PPP6R2: variants seen among roughly 807,000 people sequenced by gnomAD.
The protein encoded by PPP6R2 is serine/threonine-protein phosphatase 6 regulatory subunit 2.
Under a neutral mutation model 100.2 loss-of-function variants are expected in PPP6R2, and 62 were observed. That is an observed-to-expected ratio of 0.62 (90% CI 0.50 to 0.76). The LOEUF (loss-of-function observed/expected upper bound fraction) is 0.76. PPP6R2 is among the 30% of genes least tolerant of loss of function. PPP6R2 has a pLI of 0.00. For missense variants in PPP6R2, 1,142 were observed against 1,276.3 expected (o/e 0.89, Z 1.60); for synonymous variants, 525 against 514.7 (o/e 1.02, Z -0.27).
chr22:50,426,926 T>C (rs1789318335), intron 10 of PPP6R2, among the ~76,000 whole-genome samples: 1 of 151,154 alleles, frequency 6.6e-6, no homozygotes, highest in Non-Finnish European at 1.5e-5. Flanking sequence ...CAGTGGCTCA[T>C]GCCTGTAATC....
chr22:50,411,167 G>T (rs1010213673), intron 4 of PPP6R2, among the ~76,000 whole-genome samples: 2 of 152,136 alleles, frequency 1.3e-5, no homozygotes, highest in African/African-American at 4.8e-5. Context: ...ATAATATGAA[G>T]AAAATCCTTG....
In PPP6R2 at chr22:50,439,862, CAA is replaced by C; in HGVS notation, c.2285+7_2285+8del. On this transcript the variant is annotated splice_donor_region_variant and intron_variant, in intron 20 of 23. Coordinates refer to ENST00000612753, the MANE Select transcript of PPP6R2 (RefSeq NM_001242898.2). ...TGACTTCCAACCTTTCTGCTGGTAACAAATGCGCTGGCAGGAGGGGGCTGTGC... is the reference window on the plus strand; with the variant it reads ...TGACTTCCAACCTTTCTGCTGGTAACATGCGCTGGCAGGAGGGGGCTGTGC... The C allele has an allele frequency of 6.2e-7, 1 of 1,611,620 alleles. No homozygotes were observed. The highest frequency in any genetic ancestry group is 8.5e-7 in the Non-Finnish European group (1 of 1,178,422).
intron 3 of PPP6R2, among the ~76,000 whole-genome samples, chr22:50,406,331 C>A (rs1357776466): frequency 2.9e-5 from 4 of 138,282 alleles, no homozygotes. Context: ...AGAGGCCTGG[C>A]AGGCGAGTGT....
At chr22:50,378,299 T>G (rs911393089) in intron 2 of PPP6R2, among the ~76,000 whole-genome samples, 1 of 152,106 alleles carries the variant, frequency 6.6e-6, no homozygotes, top group Non-Finnish European at 1.5e-5. Flanking sequence ...AAAAATTATC[T>G]GCTGTAGGCT....
At chr22:50,368,279 C>G (rs934620825) in intron 1 of PPP6R2, among the ~76,000 whole-genome samples, 1 of 152,088 alleles carries the variant, frequency 6.6e-6, no homozygotes, top group Middle Eastern at 3.2e-3. Context: ...AGTCTTCTGT[C>G]GCTCGCCCAG....
At position 50,443,885 on chromosome 22, in the gene PPP6R2, C is replaced by A; in HGVS notation, c.2599C>A (p.Arg867=). ...AVGRVGCADS[R]LLSPACPAPK... is the part of the protein sequence containing the mutation. ...ACACAGGGTCGGGTGTGCTGACAGC[C>A]GGCTGTTAAGCCCTGCCTGCCCCGC... Residue 867 remains arginine (R), a synonymous_variant, in exon 23 of 24, where the codon CGG becomes AGG. Coordinates refer to ENST00000612753, the MANE Select transcript of PPP6R2 (RefSeq NM_001242898.2). 4 of 1,583,644 alleles carry A rather than the reference C, an allele frequency of 2.5e-6. No homozygotes were observed. Among genetic ancestry groups the A allele is most frequent in the Non-Finnish European group, 3.4e-6 (4 of 1,164,812 alleles).
intron 2 of PPP6R2, among the ~76,000 whole-genome samples, chr22:50,383,367 G>GT (rs1470246694): frequency 6.6e-6 from 1 of 152,294 alleles, no homozygotes; most frequent in African/African-American, 2.4e-5. Context: ...TTATTCTGCT[G>GT]TTTGGGTAAA....
At chr22:50,374,775 G>A (rs960536584) in intron 2 of PPP6R2, among the ~76,000 whole-genome samples, 4 of 151,944 alleles carry the variant, frequency 2.6e-5, no homozygotes, top group African/African-American at 9.7e-5. Flanking sequence ...TTAGCCGGGC[G>A]TGGTGGTGCG....
chr22:50,442,446 C>T (rs529943081), intron 22 of PPP6R2, among the ~76,000 whole-genome samples: 3 of 152,318 alleles, frequency 2.0e-5, no homozygotes, highest in Non-Finnish European at 4.4e-5. Context: ...GGCCGTTTCC[C>T]GATGCCGGCA....
intron 6 of PPP6R2, 80 bp downstream of exon 6, chr22:50,416,237 C>T (rs1022220349): frequency 3.4e-5 from 44 of 1,285,928 alleles, no homozygotes; most frequent in South Asian, 6.3e-5. Context: ...GGCCAGGGGG[C>T]GAGGGAGGGC....
intron 1 of PPP6R2, among the ~76,000 whole-genome samples, chr22:50,353,866 T>TA (rs1569264894): frequency 7.0e-6 from 1 of 142,474 alleles, no homozygotes; most frequent in Non-Finnish European, 1.6e-5. Flanking sequence ...AAAATATTTT[T>TA]AAAAAATTTT....
At chr22:50,334,116 C>T in the PPP6R2 span, among the ~76,000 whole-genome samples, 6 of 152,248 alleles carry the variant, frequency 3.9e-5, no homozygotes, top group Non-Finnish European at 4.4e-5. Context: ...GGACTAGGAG[C>T]GTGACCGCTG....
rs398037412 is a variant in PPP6R2 at position 50,412,630 on chromosome 22, C to CTTT, written c.415-1895_415-1893dup. Among the ~76,000 whole-genome samples, 17 of 79,868 alleles carry CTTT rather than the reference C, an allele frequency of 2.1e-4. 3 individuals carry two copies. Among genetic ancestry groups the CTTT allele is most frequent in the South Asian group, 9.2e-4 (2 of 2,172 alleles). The allele number at this position is 79,868 out of a possible 152,430, so 52.4% of individuals were successfully genotyped here. A position where few individuals can be genotyped will look rare whatever the true frequency, so the allele number is the denominator to read the frequency against. On this transcript the variant is annotated intron_variant, in intron 4 of 23. Coordinates refer to ENST00000612753, the MANE Select transcript of PPP6R2 (RefSeq NM_001242898.2). ...TGTTTCTTGTCAGTTTAAATAAGTC[C>CTTT]TTTTTTTTTTTTTTTTTTTTTTTTT...
intron 1 of PPP6R2, among the ~76,000 whole-genome samples, chr22:50,359,525 G>GT (rs34906299): frequency 2.0e-4 from 30 of 151,242 alleles, no homozygotes; most frequent in South Asian, 1.0e-3. Context: ...CCTGTGGAGT[G>GT]TTTTTTTTTA....
At chr22:50,439,441 G>A (rs894523731) in intron 19 of PPP6R2, among the ~76,000 whole-genome samples, 4 of 152,160 alleles carry the variant, frequency 2.6e-5, no homozygotes, top group Non-Finnish European at 5.9e-5. Context: ...TGTCAGTCCT[G>A]CTGGAGGCCT....
intron 2 of PPP6R2, among the ~76,000 whole-genome samples, chr22:50,373,190 A>G (rs1358906380): frequency 6.6e-6 from 1 of 151,634 alleles, no homozygotes; most frequent in Admixed American, 6.6e-5. Context: ...AGGCTCTTCC[A>G]TTGCAGTTCA....
chr22:50,414,514 G>A, intron 4 of PPP6R2, 38 bp from the exon 5 acceptor site: 1 of 1,606,714 alleles, frequency 6.2e-7, no homozygotes, highest in Non-Finnish European at 8.5e-7. Flanking sequence ...GGTTGTCAGG[G>A]TCGGCCCCGC....
chr22:50,380,002 C>A lies in PPP6R2; in HGVS notation c.-17+7852C>A, dbSNP rs181416593. Among the ~76,000 whole-genome samples the A allele has an allele frequency of 2.1e-4, 32 of 152,178 alleles. No individual in the cohort carries two copies. The East Asian group carries it at 3.7e-3, about 17-fold the overall frequency. On this transcript the variant is annotated intron_variant, in intron 2 of 23. Coordinates refer to ENST00000612753, the MANE Select transcript of PPP6R2 (RefSeq NM_001242898.2). ...GGAGAGTAAATGAAGTTAAAACATT[C>A]CAGTCTTTGTAGTAGCTGTGTCTTA...
intron 2 of PPP6R2, among the ~76,000 whole-genome samples, chr22:50,375,201 G>A (rs1214951547): frequency 1.3e-5 from 2 of 152,066 alleles, no homozygotes; most frequent in Non-Finnish European, 2.9e-5. Context: ...TTCTGAGAAT[G>A]TTAGGCTAGG....
Sources: gnomAD v4.1 joint callset for allele counts (sites outside exome capture counted in the v4.1 genomes callset) on GRCh38, gnomAD v4.1.1 for gene constraint, MANE v1.5 for transcripts, NCBI Gene and HGNC (gene_info 2026-07-23, HGNC 2026-07-21) for gene names.